BARD1: variants seen among roughly 807,000 people sequenced by gnomAD.
BARD1 encodes the protein BRCA1-associated RING domain protein 1.
A neutral mutation model predicts 77.0 loss-of-function variants in BARD1; 73 were observed. The ratio of observed to expected loss-of-function variants is 0.95; its 90% CI spans 0.79 to 1.15. The LOEUF is 1.15. BARD1 is among the 50% of genes most tolerant of loss of function. The pLI is 0.00. For missense variants in BARD1, 993 were observed against 938.8 expected (o/e 1.06, Z -0.75); for synonymous variants, 384 against 338.0 (o/e 1.14, Z -1.49).
chr2:214,779,340 C>A (rs976117157), intron 4 of BARD1, among the ~76,000 whole-genome samples: 2 of 152,170 alleles, frequency 1.3e-5, no homozygotes. Flanking sequence ...TTACTTATAA[C>A]ACCTAATACA....
At chr2:214,755,564 T>C (rs1169487442) in intron 6 of BARD1, among the ~76,000 whole-genome samples, 3 of 152,040 alleles carry the variant, frequency 2.0e-5, no homozygotes, top group Non-Finnish European at 4.4e-5. Context: ...TGAGGTGAAA[T>C]AGAAGATAAG....
chr2:214,754,130 A>C (rs771996071), intron 6 of BARD1, among the ~76,000 whole-genome samples: 1 of 152,096 alleles, frequency 6.6e-6, no homozygotes, highest in Non-Finnish European at 1.5e-5. Flanking sequence ...CCTCACCCAC[A>C]TATGCTATAC....
chr2:214,754,946 T>C (rs369866638), intron 6 of BARD1, among the ~76,000 whole-genome samples: 11 of 152,154 alleles, frequency 7.2e-5, no homozygotes, highest in Admixed American at 4.6e-4. Context: ...TAAGTTTACA[T>C]GTGGGACGTT....
intron 1 of BARD1, among the ~76,000 whole-genome samples, chr2:214,800,301 T>C (rs1001413819): frequency 6.6e-6 from 1 of 152,272 alleles, no homozygotes; most frequent in Middle Eastern, 3.4e-3. Context: ...GGAAAGATAA[T>C]GGAAATGTGA....
rs1402730425 is a variant in BARD1 at position 214,726,006 on chromosome 2, T to A, written c.*2670A>T. The A allele has an allele frequency of 4.6e-6, 1 of 219,622 alleles. No homozygotes were observed. The highest frequency in any genetic ancestry group is 2.3e-5 in the African/African-American group (1 of 43,668). 13.6% of individuals were successfully genotyped at this position (219,622 alleles called of 1,614,324 possible). A position where few individuals can be genotyped will look rare whatever the true frequency, so the allele number is the denominator to read the frequency against. Reference sequence around the variant, plus strand: ...CCAAATATCATCCTCTAGGCAGAGGTCACTTAACTATTAAATTTACAAGGC... The same window carrying A: ...CCAAATATCATCCTCTAGGCAGAGGACACTTAACTATTAAATTTACAAGGC... On this transcript the variant is annotated 3_prime_UTR_variant, in exon 11 of 11. Transcript: ENST00000260947.
At chr2:214,802,282 A>C (rs1351802316) in intron 1 of BARD1, among the ~76,000 whole-genome samples, 1 of 152,178 alleles carries the variant, frequency 6.6e-6, no homozygotes, top group African/African-American at 2.4e-5. Context: ...AAATTACATG[A>C]GCTATTAAAC....
rs763760515 is a variant in BARD1 at position 214,792,461 on chromosome 2, A to T, written c.216-16T>A. The T allele has an allele frequency of 4.0e-6, 5 of 1,247,130 alleles. No homozygotes were observed. The highest frequency in any genetic ancestry group is 5.4e-5 in the Admixed American group (2 of 36,856). 77.3% of individuals were successfully genotyped at this position (1,247,130 alleles called of 1,614,324 possible). A position where few individuals can be genotyped will look rare whatever the true frequency, so the allele number is the denominator to read the frequency against. Reference sequence around the variant, plus strand: ...TACACAATTACTTTAAAATAATTAAAAAAAAAAAAAAAAGCAACCCATTCA... The same window carrying T: ...TACACAATTACTTTAAAATAATTAATAAAAAAAAAAAAAGCAACCCATTCA... On this transcript the variant is annotated splice_polypyrimidine_tract_variant and intron_variant, in intron 2 of 10. Coordinates refer to ENST00000260947, the MANE Select transcript of BARD1 (RefSeq NM_000465.4).
chr2:214,767,405 A>T, intron 6 of BARD1, 77 bp downstream of exon 6: 1 of 1,422,082 alleles, frequency 7.0e-7, no homozygotes, highest in Non-Finnish European at 9.9e-7. Context: ...TGACTATTTT[A>T]AAGTCTGCTT....
At chr2:214,729,861 T>A in intron 10 of BARD1, among the ~76,000 whole-genome samples, 1 of 152,128 alleles carries the variant, frequency 6.6e-6, no homozygotes. Context: ...GCAGCCACCA[T>A]GGGGGTGTGC....
chr2:214,732,939 A>G (rs1025257682), intron 9 of BARD1, among the ~76,000 whole-genome samples: 4 of 152,072 alleles, frequency 2.6e-5, no homozygotes, highest in East Asian at 1.9e-4. Context: ...TTTCTGAGGG[A>G]AAAAAAATGT....
intron 6 of BARD1, among the ~76,000 whole-genome samples, chr2:214,763,110 A>C (rs1694036382): frequency 6.6e-6 from 1 of 152,048 alleles, no homozygotes. Flanking sequence ...TCACTAACGG[A>C]AGTTCCTAGA....
chr2:214,803,417 T>C (rs867462323), intron 1 of BARD1, among the ~76,000 whole-genome samples: 1 of 152,244 alleles, frequency 6.6e-6, no homozygotes, highest in Non-Finnish European at 1.5e-5. Context: ...TGTCTCAGTA[T>C]AAAACCCGAT....
chr2:214,759,650 G>A (rs1559401732), intron 6 of BARD1, among the ~76,000 whole-genome samples: 1 of 152,056 alleles, frequency 6.6e-6, no homozygotes, highest in Non-Finnish European at 1.5e-5. Flanking sequence ...AAACAAAAGA[G>A]AAAGTATGAA....
rs1694364820 is a variant in BARD1 at position 214,769,297 on chromosome 2, C to T, written c.1330G>A (p.Val444Ile). The T allele has an allele frequency of 6.2e-7, 1 of 1,613,232 alleles. No homozygotes were observed. Among genetic ancestry groups the T allele is most frequent in the South Asian group, 1.1e-5 (1 of 91,054 alleles). ...IASIKGDIPS[V>I]EYLLQNGSDP... ...CTTCCATTTTGTAAAAGGTATTCAA[C>T]AGAAGGTATGTCGCCCTAGAAAAAT... The change falls in exon 5 of 11, where the codon GTT (valine) becomes ATT (isoleucine). Residue 444 changes from valine to isoleucine, a missense_variant. Transcript: ENST00000260947.
In BARD1 at chr2:214,786,166, C is replaced by T. The variant is rs1193281767; in HGVS notation, c.365-4657G>A. Reference sequence around the variant, plus strand: ...CATCTACCATATAGGAAATAAACATCTGATGTTACAAGGTGTTCAATAACA... The same window carrying T: ...CATCTACCATATAGGAAATAAACATTTGATGTTACAAGGTGTTCAATAACA... On this transcript the variant is annotated intron_variant, in intron 3 of 10. Coordinates refer to ENST00000260947, the MANE Select transcript of BARD1 (RefSeq NM_000465.4). 2.0e-5 allele frequency among the ~76,000 whole-genome samples: 3 copies of T among 151,862 alleles called. No homozygotes were observed. The East Asian group carries it at 5.8e-4, about 29-fold the overall frequency.
intron 9 of BARD1, among the ~76,000 whole-genome samples, chr2:214,732,598 C>T (rs866610606): frequency 2.0e-5 from 3 of 151,974 alleles, no homozygotes; most frequent in South Asian, 2.1e-4. Context: ...GCTTTCATCG[C>T]GTTAGCCAGG....
intron 6 of BARD1, among the ~76,000 whole-genome samples, chr2:214,760,700 T>C (rs879029361): frequency 6.6e-6 from 1 of 152,152 alleles, no homozygotes; most frequent in African/African-American, 2.4e-5. Context: ...AACAGGAAAG[T>C]TATAAAGTTA....
At chr2:214,769,087 C>T in intron 5 of BARD1, 145 bp downstream of exon 5, 1 of 701,766 alleles carries the variant, frequency 1.4e-6, no homozygotes, top group South Asian at 1.8e-5. Context: ...GGAAAGTAAT[C>T]ATGTTCTCAT....
Position 214,749,551 on chromosome 2 carries a change from T to C in BARD1, c.1677+2896A>G, listed in dbSNP as rs555832140. ...CCACCCCCAGACTCCAAGAATACCA[T>C]AAAGATATCTTTATTCTTGACACAT... is the stretch of plus-strand genomic sequence containing the variant. On this transcript the variant is annotated intron_variant, in intron 7 of 10. Transcript: ENST00000260947. Among the ~76,000 whole-genome samples, 22 of 152,236 alleles carry C rather than the reference T, an allele frequency of 1.4e-4. No homozygotes were observed. The South Asian group carries it at 4.1e-3, about 29-fold the overall frequency.
Sources: allele counts gnomAD v4.1 joint callset (sites outside exome capture counted in the v4.1 genomes callset), GRCh38; gene constraint gnomAD v4.1.1; transcripts MANE v1.5; gene names NCBI Gene and HGNC (gene_info 2026-07-23, HGNC 2026-07-21).